The following HLCS variants were observed in gnomAD, a reference collection of about 807,000 sequenced individuals.
HLCS encodes biotin--protein ligase.
A neutral mutation model predicts 75.0 loss-of-function variants in HLCS; 53 were observed. That is an observed-to-expected ratio of 0.71 (90% CI 0.57 to 0.89). The LOEUF is 0.89. Ranked by LOEUF, HLCS falls within the 40% of genes least tolerant of loss-of-function variation. The pLI, the probability that HLCS is intolerant of heterozygous loss-of-function variation, is 0.00. For missense variants in HLCS, 966 were observed against 1,074.0 expected (o/e 0.90, Z 1.41); for synonymous variants, 431 against 428.6 (o/e 1.01, Z -0.07).
intron 4 of HLCS, among the ~76,000 whole-genome samples, chr21:36,932,089 G>A (rs1319244174): frequency 6.6e-6 from 1 of 152,242 alleles, no homozygotes; most frequent in Non-Finnish European, 1.5e-5. Flanking sequence ...AGTACCCTGA[G>A]CTTCCTGGAT....
intron 5 of HLCS, among the ~76,000 whole-genome samples, chr21:36,908,017 T>C (rs1196722476): frequency 6.6e-6 from 1 of 151,376 alleles, no homozygotes; most frequent in African/African-American, 2.4e-5. Flanking sequence ...TGCAATGAGC[T>C]GTGAGCACAC....
At chr21:36,823,741 T>C (rs1404966747) in intron 6 of HLCS, among the ~76,000 whole-genome samples, 1 of 151,998 alleles carries the variant, frequency 6.6e-6, no homozygotes, top group African/African-American at 2.4e-5. Flanking sequence ...CCTGTGTAAA[T>C]TAGACACAAC....
intron 6 of HLCS, among the ~76,000 whole-genome samples, chr21:36,873,214 T>A (rs1039525113): frequency 2.6e-5 from 4 of 151,988 alleles, no homozygotes; most frequent in Admixed American, 2.6e-4. Context: ...ACCTCCCGGG[T>A]TGAAGCGATT....
At chr21:36,951,999 C>G (rs1183235897) in intron 2 of HLCS, among the ~76,000 whole-genome samples, 3 of 152,004 alleles carry the variant, frequency 2.0e-5, no homozygotes, top group East Asian at 1.9e-4. Flanking sequence ...GTAGAATTAC[C>G]ACAGATCAAA....
chr21:36,831,840 T>C (rs539004663), intron 6 of HLCS, among the ~76,000 whole-genome samples: 92 of 152,282 alleles, frequency 6.0e-4, no homozygotes, highest in African/African-American at 2.1e-3. Context: ...CAATTTCCTA[T>C]ATTTCAGTTT....
chr21:36,758,107 T>C (rs936507263), intron 9 of HLCS, among the ~76,000 whole-genome samples: 2 of 152,082 alleles, frequency 1.3e-5, no homozygotes, highest in South Asian at 4.2e-4. Context: ...TTTTTATTTT[T>C]ATTTATTTAT....
chr21:36,984,204 G>C (rs1256482698), intron 1 of HLCS, among the ~76,000 whole-genome samples: 1 of 109,654 alleles, frequency 9.1e-6, no homozygotes, highest in Non-Finnish European at 1.9e-5. Flanking sequence ...GCAAACTGTG[G>C]TAGAGTAGTC....
intron 6 of HLCS, among the ~76,000 whole-genome samples, chr21:36,816,692 T>C (rs997075442): frequency 3.9e-5 from 6 of 152,072 alleles, no homozygotes; most frequent in Non-Finnish European, 7.4e-5. Context: ...ATGCAGCCAA[T>C]GAAATGTGTT....
rs769979101 is a variant in HLCS, at chr21:36,752,852, AAGATGGTGCT to A, written c.*1384_*1393del. 9 of 152,408 alleles carry A rather than the reference AAGATGGTGCT, an allele frequency of 5.9e-5. No homozygotes were observed. Among genetic ancestry groups the A allele is most frequent in the Admixed American group, 1.3e-4 (2 of 15,308 alleles). 9.4% of individuals were successfully genotyped at this position (152,408 alleles called of 1,614,324 possible). Reference sequence around the variant, plus strand: ...AGCCTGACTGGGTAAGACCTGGATAAAGATGGTGCTAGTTTACAATGAAGGGATTTTGTTC... The same window carrying A: ...AGCCTGACTGGGTAAGACCTGGATAAAGTTTACAATGAAGGGATTTTGTTC... On this transcript the variant is annotated 3_prime_UTR_variant, in exon 11 of 11. Coordinates refer to ENST00000674895, the MANE Select transcript of HLCS (RefSeq NM_001352514.2).
intron 6 of HLCS, among the ~76,000 whole-genome samples, chr21:36,793,916 T>C (rs62223782): frequency 0.052 from 7,910 of 152,280 alleles, 314 homozygotes; most frequent in Non-Finnish European, 0.077. Flanking sequence ...GCTTCAGTCA[T>C]AGGGTTGTCA....
In HLCS at chr21:36,875,779, A is replaced by G. The variant is rs374644757; in HGVS notation, c.1892+21081T>C. ...ACCTGCCCAATGGTGGAACTAAGAG[A>G]GCTGTAACACAAACAGGGGCAACGT... On this transcript the variant is annotated intron_variant, in intron 6 of 10. Transcript: ENST00000674895. Among the ~76,000 whole-genome samples, 20 of 152,242 alleles carry G rather than the reference A, an allele frequency of 1.3e-4. No individual in the cohort carries two copies. The East Asian group carries it at 3.1e-3, about 24-fold the overall frequency.
At chr21:36,955,430 A>G (rs1689644121) in intron 2 of HLCS, among the ~76,000 whole-genome samples, 3 of 152,200 alleles carry the variant, frequency 2.0e-5, no homozygotes. Flanking sequence ...TATGTTCACA[A>G]ATTTGTAGAG....
chr21:36,888,444 AAATATATATATATATATATATATATATAT>A (rs1295061689), intron 6 of HLCS, among the ~76,000 whole-genome samples: 1 of 25,526 alleles, frequency 3.9e-5, no homozygotes, highest in Non-Finnish European at 7.1e-5. Context: ...AAAAAAAAAA[AAATATATATATATATATATATATATATAT>A]ATATATATAT....
At position 36,882,376 on chromosome 21, in the gene HLCS, A is replaced by G. The variant is rs138619379; in HGVS notation, c.1892+14484T>C. ...AGGCTGAGTGATTCACCAACATCGC[A>G]CAAGCTGCTGTGTCAAAATGGCAGG... On this transcript the variant is annotated intron_variant, in intron 6 of 10. Coordinates refer to ENST00000674895, the MANE Select transcript of HLCS (RefSeq NM_001352514.2). Among the ~76,000 whole-genome samples the G allele has an allele frequency of 2.2e-3, 342 of 152,240 alleles. 2 individuals carry two copies. Among genetic ancestry groups the G allele is most frequent in the African/African-American group, 7.7e-3 (318 of 41,540 alleles).
rs181239813 is a variant in HLCS, at chr21:36,834,429, G to A, written c.1892+62431C>T. 1.8e-3 allele frequency among the ~76,000 whole-genome samples: 276 copies of A among 152,326 alleles called. 1 individual carries two copies. Among genetic ancestry groups the A allele is most frequent in the African/African-American group, 6.3e-3 (263 of 41,574 alleles). On this transcript the variant is annotated intron_variant, in intron 6 of 10. Transcript: ENST00000674895. ...GCCAAGCATTGAAAGTAGCCAGGTG[G>A]GCGAGTGGCCAAGCGCCAGAGAGGC... is the stretch of plus-strand genomic sequence containing the variant.
Position 36,804,776 on chromosome 21 carries a change from G to A in HLCS, c.1893-37491C>T, listed in dbSNP as rs139620504. Among the ~76,000 whole-genome samples the A allele has an allele frequency of 1.2e-3, 179 of 152,136 alleles. 1 individual carries two copies. Among genetic ancestry groups the A allele is most frequent in the African/African-American group, 4.1e-3 (169 of 41,522 alleles). On this transcript the variant is annotated intron_variant, in intron 6 of 10. Transcript: ENST00000674895. ...CCATAGTAGATGGCGTTTCTAAAAC[G>A]GTATAAAACATCTACCAACAACATC...
intron 6 of HLCS, among the ~76,000 whole-genome samples, chr21:36,849,961 C>T (rs963139652): frequency 1.3e-5 from 2 of 152,184 alleles, no homozygotes; most frequent in African/African-American, 4.8e-5. Context: ...CTCCTGGCCT[C>T]CTTGTACTTA....
intron 6 of HLCS, among the ~76,000 whole-genome samples, chr21:36,782,070 T>TA (rs1435751109): frequency 1.3e-5 from 2 of 152,218 alleles, no homozygotes; most frequent in Non-Finnish European, 2.9e-5. Flanking sequence ...TTCTGTTAGT[T>TA]AATATTTATT....
At chr21:36,763,349 C>T (rs1438345205) in intron 8 of HLCS, among the ~76,000 whole-genome samples, 2 of 152,214 alleles carry the variant, frequency 1.3e-5, no homozygotes, top group South Asian at 2.1e-4. Context: ...AGACAGAATG[C>T]ACAGCTCAGG....
Sources: allele counts gnomAD v4.1 joint callset (sites outside exome capture counted in the v4.1 genomes callset), GRCh38; gene constraint gnomAD v4.1.1; transcripts MANE v1.5; gene names NCBI Gene and HGNC (gene_info 2026-07-23, HGNC 2026-07-21).